The following CNTNAP5 variants were observed in gnomAD, a reference collection of about 807,000 sequenced individuals.
CNTNAP5 encodes the protein contactin-associated protein-like 5.
Under a neutral mutation model 150.2 loss-of-function variants are expected in CNTNAP5, and 72 were observed. The observed-to-expected ratio is 0.48, with a 90% CI of 0.40 to 0.58. The LOEUF (loss-of-function observed/expected upper bound fraction) is 0.58, where lower values mean the gene tolerates loss of function less well. Ranked by LOEUF, CNTNAP5 falls within the 20% of genes least tolerant of loss-of-function variation. The pLI, the probability that CNTNAP5 is intolerant of heterozygous loss-of-function variation, is 0.00. For synonymous variants in CNTNAP5, 672 were observed against 619.8 expected (o/e 1.08, Z -1.25); for missense variants, 1,636 against 1,626.2 (o/e 1.01, Z -0.10).
Position 124,242,413 on chromosome 2 carries a change from C to T in CNTNAP5, c.381+20C>T. ...ATCTGGGTAGGACATCTTTTTCCTT[C>T]CAATGAATAAAACTGAGATGTGCTA... is the stretch of plus-strand genomic sequence containing the variant. On this transcript the variant is annotated intron_variant, in intron 3 of 23. Coordinates refer to ENST00000682447, the MANE Select transcript of CNTNAP5 (RefSeq NM_001367498.1). 1 of 1,603,020 alleles carries T rather than the reference C, an allele frequency of 6.2e-7. No homozygotes were observed. The highest frequency in any genetic ancestry group is 1.1e-5 in the South Asian group (1 of 89,884).
At chr2:124,470,748 G>A (rs191023960) in intron 6 of CNTNAP5, among the ~76,000 whole-genome samples, 2 of 152,142 alleles carry the variant, frequency 1.3e-5, no homozygotes, top group East Asian at 3.9e-4. Context: ...TTTTGTATGT[G>A]GTATAAGGAG....
intron 1 of CNTNAP5, among the ~76,000 whole-genome samples, chr2:124,169,508 G>C (rs1684883555): frequency 6.6e-6 from 1 of 152,132 alleles, no homozygotes; most frequent in Non-Finnish European, 1.5e-5. Context: ...GCAAAGACTT[G>C]ACATTTATTG....
rs532852508 is a variant in CNTNAP5, at chr2:124,919,015, A to G, written c.*4727A>G. On this transcript the variant is annotated 3_prime_UTR_variant, in exon 24 of 24. Coordinates refer to ENST00000682447, the MANE Select transcript of CNTNAP5 (RefSeq NM_001367498.1). ...GACCTCTTCTTTTATCCCCTCTTTCATAGTCTTGTTTGTGGAACCATCTAC... is the reference window on the plus strand; with the variant it reads ...GACCTCTTCTTTTATCCCCTCTTTCGTAGTCTTGTTTGTGGAACCATCTAC... Among the ~76,000 whole-genome samples the G allele has an allele frequency of 5.5e-4, 84 of 151,882 alleles. No homozygotes were observed. Among genetic ancestry groups the G allele is most frequent in the Non-Finnish European group, 9.9e-4 (67 of 67,950 alleles).
chr2:124,583,208 A>G (rs138702333), intron 11 of CNTNAP5, among the ~76,000 whole-genome samples: 1 of 152,314 alleles, frequency 6.6e-6, no homozygotes, highest in East Asian at 1.9e-4. Flanking sequence ...AGACATCTCT[A>G]GGGAGACATG....
chr2:124,752,963 C>A (rs1427221786), intron 14 of CNTNAP5, among the ~76,000 whole-genome samples: 1 of 152,128 alleles, frequency 6.6e-6, no homozygotes, highest in Non-Finnish European at 1.5e-5. Flanking sequence ...GACCCGTGGC[C>A]CAAATGAAGA....
chr2:124,848,978 A>T (rs952341576), intron 19 of CNTNAP5, among the ~76,000 whole-genome samples: 1 of 152,066 alleles, frequency 6.6e-6, no homozygotes, highest in Non-Finnish European at 1.5e-5. Flanking sequence ...ATTGTGCAGA[A>T]ACTTCTTAGT....
At chr2:124,431,429 G>A (rs1217962292) in intron 4 of CNTNAP5, among the ~76,000 whole-genome samples, 4 of 149,176 alleles carry the variant, frequency 2.7e-5, no homozygotes, top group Non-Finnish European at 5.9e-5. Context: ...GAGGAATGGG[G>A]GAAATAGCAG....
chr2:124,118,995 T>C (rs10496626), intron 1 of CNTNAP5, among the ~76,000 whole-genome samples: 20,523 of 152,148 alleles, frequency 0.13, 1,477 homozygotes, highest in Middle Eastern at 0.23. Flanking sequence ...CTAGTGGATA[T>C]GGTGAATTCA....
chr2:124,051,994 T>C (rs1681709232), intron 1 of CNTNAP5, among the ~76,000 whole-genome samples: 2 of 152,112 alleles, frequency 1.3e-5, no homozygotes, highest in African/African-American at 4.8e-5. Context: ...ACTAGAAAAG[T>C]AGAATAAAGA....
chr2:124,326,886 T>C (rs1558852131), intron 3 of CNTNAP5, among the ~76,000 whole-genome samples: 1 of 151,942 alleles, frequency 6.6e-6, no homozygotes, highest in Non-Finnish European at 1.5e-5. Flanking sequence ...AGGAGATCAC[T>C]TGATCCTGGG....
intron 1 of CNTNAP5, among the ~76,000 whole-genome samples, chr2:124,156,684 G>A (rs1179387181): frequency 4.6e-5 from 7 of 152,052 alleles, no homozygotes; most frequent in East Asian, 3.9e-4. Context: ...TAGTAGAGAC[G>A]GGGTTTCTCC....
chr2:124,358,481 A>T (rs551981535), intron 3 of CNTNAP5, among the ~76,000 whole-genome samples: 1 of 152,284 alleles, frequency 6.6e-6, no homozygotes, highest in African/African-American at 2.4e-5. Context: ...ATGTCCCATC[A>T]ATACCTAATT....
intron 13 of CNTNAP5, among the ~76,000 whole-genome samples, chr2:124,678,998 G>A (rs1208912692): frequency 6.6e-6 from 1 of 151,872 alleles, no homozygotes; most frequent in South Asian, 2.1e-4. Context: ...AGGATAGGCA[G>A]GGCATAGTAA....
chr2:124,165,096 G>C (rs563792761), intron 1 of CNTNAP5, among the ~76,000 whole-genome samples: 10 of 152,264 alleles, frequency 6.6e-5, no homozygotes, highest in South Asian at 4.1e-4. Flanking sequence ...GTGAAGTGTG[G>C]ACACTGTTGC....
At chr2:124,557,427 A>G (rs186326701) in intron 10 of CNTNAP5, among the ~76,000 whole-genome samples, 185 of 152,278 alleles carry the variant, frequency 1.2e-3, no homozygotes, top group African/African-American at 4.0e-3. Context: ...TAAATGGGTG[A>G]AGGCCAGCAA....
chr2:124,566,613 ACT>A (rs1283953816), intron 11 of CNTNAP5, among the ~76,000 whole-genome samples: 1 of 152,096 alleles, frequency 6.6e-6, no homozygotes, highest in African/African-American at 2.4e-5. Flanking sequence ...ACTTTGTGAA[ACT>A]CTATCTTTGC....
At chr2:124,857,711 G>C (rs536828843) in intron 19 of CNTNAP5, among the ~76,000 whole-genome samples, 12 of 151,924 alleles carry the variant, frequency 7.9e-5, no homozygotes, top group African/African-American at 2.9e-4. Flanking sequence ...ACGGTGGCAA[G>C]CACCTGCAAT....
At chr2:124,429,299 CTA>C (rs1692315437) in intron 4 of CNTNAP5, among the ~76,000 whole-genome samples, 2 of 151,572 alleles carry the variant, frequency 1.3e-5, no homozygotes, top group East Asian at 3.9e-4. Context: ...AAAAGAAAAG[CTA>C]TGTTAGGAGT....
chr2:124,217,480 GC>G (rs1240836472), intron 1 of CNTNAP5, among the ~76,000 whole-genome samples: 1 of 152,128 alleles, frequency 6.6e-6, no homozygotes, highest in East Asian at 1.9e-4. Context: ...TTGCTCCCCA[GC>G]CATGTGCTTG....
Sources: allele counts gnomAD v4.1 joint callset (sites outside exome capture counted in the v4.1 genomes callset), GRCh38; gene constraint gnomAD v4.1.1; transcripts MANE v1.5; gene names NCBI Gene and HGNC (gene_info 2026-07-23, HGNC 2026-07-21).